The following GPHN variants were observed in gnomAD, a reference collection of about 807,000 sequenced individuals.
GPHN encodes gephyrin.
GPHN carries 17 observed loss-of-function variants against 95.5 expected under a neutral mutation model. The observed-to-expected ratio is 0.18, with a 90% CI of 0.12 to 0.27. The LOEUF (loss-of-function observed/expected upper bound fraction) is 0.27. Ranked by LOEUF, GPHN falls within the 10% of genes least tolerant of loss-of-function variation. GPHN has a pLI of 1.00. For synonymous variants in GPHN, 320 were observed against 322.5 expected, an observed-to-expected ratio of 0.99 and a Z score of 0.08; for missense variants, 660 against 978.1, an observed-to-expected ratio of 0.67 and a Z score of 4.34.
At chr14:66,508,683 G>A (rs932728736) in intron 1 of GPHN, 92 bp downstream of exon 1, 1 of 1,139,706 alleles carries the variant, frequency 8.8e-7, no homozygotes, top group Non-Finnish European at 1.3e-6. Flanking sequence ...CTGCGGCCTC[G>A]GGAGGAGGGA....
At chr14:67,651,272 T>G in the GPHN span, 3 of 1,588,566 alleles carry the variant, frequency 1.9e-6, no homozygotes, top group Non-Finnish European at 2.6e-6. Context: ...GGCTATACAG[T>G]GCATCCTTGA....
chr14:66,807,766 C>A (rs1479860482), intron 3 of GPHN, among the ~76,000 whole-genome samples: 1 of 152,152 alleles, frequency 6.6e-6, no homozygotes, highest in East Asian at 1.9e-4. Context: ...ATTGAGTTAT[C>A]CATTCTTTTG....
chr14:67,179,509 C>T lies in GPHN; in HGVS notation c.2080-69C>T, dbSNP rs141373419. The T allele has an allele frequency of 9.1e-4, 804 of 881,140 alleles. 7 individuals are homozygous for T. In the African/African-American group the frequency reaches 0.012, roughly 13 times the overall value. 54.6% of individuals were successfully genotyped at this position (881,140 alleles called of 1,614,324 possible). The stretch of plus-strand genomic sequence containing the variant: ...GTCCACTGTATTCTTTGCACAACCC[C>T]TACTATCTTGTATTTTTGTGAGATG... On this transcript the variant is annotated intron_variant, in intron 21 of 22. Transcript: ENST00000478722.
chr14:67,720,983 T>C, the GPHN span: 13,716 of 152,244 alleles, frequency 0.09, 880 homozygotes, highest in East Asian at 0.23. Context: ...TCACTCCTTG[T>C]TCTGTTGGTC....
chr14:67,156,061 A>C (rs983323031), intron 18 of GPHN, among the ~76,000 whole-genome samples: 1 of 152,196 alleles, frequency 6.6e-6, no homozygotes, highest in African/African-American at 2.4e-5. Context: ...AGCCAAACAA[A>C]AACTGTGCGG....
At position 66,509,001 on chromosome 14, in the gene GPHN, A is replaced by T. The variant is rs1438782046; in HGVS notation, c.64+410A>T. The T allele has an allele frequency of 3.6e-5, 9 of 252,192 alleles. No homozygotes were observed. The Admixed American group carries it at 4.0e-4, about 11-fold the overall frequency. 15.6% of individuals were successfully genotyped at this position (252,192 alleles called of 1,614,324 possible). A position where few individuals can be genotyped will look rare whatever the true frequency, so the allele number is the denominator to read the frequency against. On this transcript the variant is annotated intron_variant, in intron 1 of 22. Coordinates refer to ENST00000478722, the MANE Select transcript of GPHN (RefSeq NM_020806.5). Reference sequence around the variant, plus strand: ...TAGTGCTCTTCAGAGAGAGGGGGGAATCCCATCTCCACCCCCTTCCTCTCC... The same window carrying T: ...TAGTGCTCTTCAGAGAGAGGGGGGATTCCCATCTCCACCCCCTTCCTCTCC...
the GPHN span, among the ~76,000 whole-genome samples, chr14:67,285,625 C>T: frequency 1.3e-5 from 2 of 152,232 alleles, no homozygotes; most frequent in Middle Eastern, 3.4e-3. Context: ...GCCTCGGTCT[C>T]CCAAAGTACT....
At chr14:66,706,099 A>G (rs912834868) in intron 2 of GPHN, among the ~76,000 whole-genome samples, 1 of 152,128 alleles carries the variant, frequency 6.6e-6, no homozygotes, top group African/African-American at 2.4e-5. Context: ...GAATACAGCT[A>G]ACAAGGGATG....
At chr14:67,465,113 G>A in the GPHN span, among the ~76,000 whole-genome samples, 1,545 of 152,370 alleles carry the variant, frequency 0.01, 29 homozygotes, top group African/African-American at 0.035. Flanking sequence ...TGACAACACT[G>A]GAAGAATGTA....
rs764447609 is a variant in GPHN at position 66,781,223 on chromosome 14, C to CT, written c.201+4717dup. ...ATGTAACCACTATTCTGACTTCTTT[C>CT]TTTTTTTTTTTTTTTGATACGGAGT... On this transcript the variant is annotated intron_variant, in intron 3 of 22. Coordinates refer to ENST00000478722, the MANE Select transcript of GPHN (RefSeq NM_020806.5). Among the ~76,000 whole-genome samples the CT allele has an allele frequency of 8.1e-3, 1,145 of 141,776 alleles. 8 individuals carry two copies. The highest frequency in any genetic ancestry group is 0.018 in the African/African-American group (707 of 39,018). 93.0% of individuals were successfully genotyped at this position (141,776 alleles called of 152,430 possible).
intron 1 of GPHN, among the ~76,000 whole-genome samples, chr14:66,623,269 C>G (rs930874373): frequency 9.9e-5 from 15 of 151,894 alleles, no homozygotes; most frequent in Non-Finnish European, 1.8e-4. Context: ...CACGAAAGAC[C>G]CACCCCCATA....
intron 4 of GPHN, among the ~76,000 whole-genome samples, chr14:66,872,205 CA>C (rs1373938398): frequency 6.6e-6 from 1 of 152,108 alleles, no homozygotes; most frequent in Non-Finnish European, 1.5e-5. Flanking sequence ...TGCTTTTGCC[CA>C]GAGCTACAAT....
chr14:66,578,884 A>T lies in GPHN; in HGVS notation c.64+70293A>T, dbSNP rs111314660. On this transcript the variant is annotated intron_variant, in intron 1 of 22. Transcript: ENST00000478722. ...GGTAATATGAAAACATATAAATGTA[A>T]AAAATTCACTGGTGAAAGTAAGTAT... Among the ~76,000 whole-genome samples, 554 of 151,964 alleles carry T rather than the reference A, an allele frequency of 3.6e-3. 12 individuals carry two copies. The highest frequency in any genetic ancestry group is 0.013 in the African/African-American group (528 of 41,550).
the GPHN span, among the ~76,000 whole-genome samples, chr14:67,281,406 A>T: frequency 1.3e-5 from 2 of 152,186 alleles, no homozygotes; most frequent in African/African-American, 2.4e-5. Flanking sequence ...TAATACCTTT[A>T]TGTGAAAGAA....
intron 10 of GPHN, among the ~76,000 whole-genome samples, chr14:67,041,822 A>G (rs1318081978): frequency 2.0e-5 from 3 of 152,166 alleles, no homozygotes; most frequent in Admixed American, 1.3e-4. Flanking sequence ...GAACTAATTT[A>G]CACTCCCACT....
the GPHN span, chr14:67,224,555 C>A: frequency 4.9e-6 from 1 of 206,008 alleles, no homozygotes; most frequent in South Asian, 6.3e-5. Context: ...CCACTGTGCC[C>A]GGCCCCATTT....
At chr14:66,723,493 T>C (rs992557764) in intron 2 of GPHN, among the ~76,000 whole-genome samples, 2 of 152,080 alleles carry the variant, frequency 1.3e-5, no homozygotes, top group African/African-American at 4.8e-5. Context: ...AAGGTAGATA[T>C]TCTCTTAAAT....
the GPHN span, among the ~76,000 whole-genome samples, chr14:67,411,815 G>A: frequency 6.6e-6 from 1 of 152,214 alleles, no homozygotes; most frequent in Admixed American, 6.5e-5. Flanking sequence ...CTCCTTGCCT[G>A]TGCGCTGAGC....
chr14:67,700,783 G>A, the GPHN span, among the ~76,000 whole-genome samples: 45 of 151,222 alleles, frequency 3.0e-4, 1 homozygote, highest in East Asian at 3.7e-3. Flanking sequence ...CCAGCACTTC[G>A]GGAGGCCGAG....
Sources: gnomAD v4.1 joint callset for allele counts (sites outside exome capture counted in the v4.1 genomes callset) on GRCh38, gnomAD v4.1.1 for gene constraint, MANE v1.5 for transcripts, NCBI Gene and HGNC (gene_info 2026-07-23, HGNC 2026-07-21) for gene names.